RAD21: variants seen among roughly 807,000 people sequenced by gnomAD.
The protein encoded by RAD21 is RAD21 cohesin complex component, also known as double-strand-break repair protein rad21 homolog.
In RAD21, 18 loss-of-function variants were observed where a neutral mutation model predicts 71.5. The observed-to-expected ratio is 0.25, with a 90% CI of 0.17 to 0.37. The LOEUF (loss-of-function observed/expected upper bound fraction) is 0.37. RAD21 is among the 10% of genes least tolerant of loss of function. RAD21 has a pLI of 1.00. For missense variants in RAD21, 493 were observed against 769.1 expected, an observed-to-expected ratio of 0.64 and a Z score of 4.25; for synonymous variants, 248 against 254.0, an observed-to-expected ratio of 0.98 and a Z score of 0.22.
At chr8:116,855,963 C>T (rs1199853730) in intron 8 of RAD21, among the ~76,000 whole-genome samples, 1 of 151,698 alleles carries the variant, frequency 6.6e-6, no homozygotes, top group Non-Finnish European at 1.5e-5. Context: ...AGAAGAAAGA[C>T]TCTATGACAG....
chr8:116,869,022 T>A (rs1812754494), intron 1 of RAD21, among the ~76,000 whole-genome samples: 1 of 151,988 alleles, frequency 6.6e-6, no homozygotes, highest in African/African-American at 2.4e-5. Flanking sequence ...ACAAAACTTT[T>A]AAAAAATGGC....
intron 2 of RAD21, among the ~76,000 whole-genome samples, chr8:116,864,844 T>A (rs144367308): frequency 3.9e-5 from 6 of 152,078 alleles, no homozygotes; most frequent in Non-Finnish European, 8.8e-5. Context: ...TGTGTTAAAG[T>A]GTAAACATAA....
rs912092682 is a variant in RAD21, at chr8:116,874,730, C to T, written c.-152G>A. 2.6e-5 allele frequency: 12 copies of T among 452,956 alleles called. No individual in the cohort carries two copies. The highest frequency in any genetic ancestry group is 5.3e-5 in the Non-Finnish European group (12 of 225,088). 28.1% of individuals were successfully genotyped at this position (452,956 alleles called of 1,614,324 possible). A position where few individuals can be genotyped will look rare whatever the true frequency, so the allele number is the denominator to read the frequency against. ...TGTAGCTTCCGAGCAGCTCCCGCCG[C>T]CGCCACAGCCGGCGCCTCCTTTCCG... On this transcript the variant is annotated 5_prime_UTR_variant, in exon 1 of 14. Transcript: ENST00000297338.
intron 1 of RAD21, among the ~76,000 whole-genome samples, chr8:116,870,640 T>C (rs1806885179): frequency 6.6e-6 from 1 of 152,166 alleles, no homozygotes; most frequent in African/African-American, 2.4e-5. Flanking sequence ...AAATCCAACA[T>C]AGCAGCATGT....
At chr8:116,872,601 T>C (rs1248440979) in intron 1 of RAD21, among the ~76,000 whole-genome samples, 1 of 151,992 alleles carries the variant, frequency 6.6e-6, no homozygotes, top group Non-Finnish European at 1.5e-5. Flanking sequence ...ACACCACCTA[T>C]TCAAAGTAAA....
chr8:116,852,446 A>G (rs929700249), intron 10 of RAD21, 103 bp downstream of exon 10: 22 of 1,230,692 alleles, frequency 1.8e-5, no homozygotes, highest in South Asian at 3.3e-5. Context: ...ACATTTGAGT[A>G]TATCTTTGAT....
intron 1 of RAD21, among the ~76,000 whole-genome samples, chr8:116,869,851 G>A (rs752605500): frequency 2.5e-4 from 38 of 152,154 alleles, no homozygotes; most frequent in Non-Finnish European, 4.6e-4. Flanking sequence ...AAGATACAGA[G>A]TAATTATTTT....
At chr8:116,869,471 G>A (rs1812765532) in intron 1 of RAD21, among the ~76,000 whole-genome samples, 1 of 152,164 alleles carries the variant, frequency 6.6e-6, no homozygotes, top group Admixed American at 6.5e-5. Context: ...CGTAATCCCA[G>A]CTACTCAGGT....
At chr8:116,855,016 A>G (rs185049237) in intron 8 of RAD21, among the ~76,000 whole-genome samples, 1 of 152,300 alleles carries the variant, frequency 6.6e-6, no homozygotes, top group East Asian at 1.9e-4. Flanking sequence ...AATCCTTACA[A>G]CTTACAAGTA....
chr8:116,855,928 A>G (rs2130465629), intron 8 of RAD21, among the ~76,000 whole-genome samples: 1 of 152,184 alleles, frequency 6.6e-6, no homozygotes, highest in East Asian at 1.9e-4. Flanking sequence ...GACATTCTAC[A>G]AAATACTCAA....
chr8:116,852,050 C>T lies in RAD21; in HGVS notation c.1368G>A (p.Met456Ile). 6.2e-7 allele frequency: 1 copy of T among 1,611,928 alleles called. No homozygotes were observed. Among genetic ancestry groups the T allele is most frequent in the South Asian group, 1.1e-5 (1 of 91,016 alleles). Residue 456 changes from methionine (M) to isoleucine (I), a missense_variant, in exon 11 of 14, where the codon ATG becomes ATA. Transcript: ENST00000297338. ...EEPSRLQESV[M>I]EASRTNIDES... ...CATCTATGTTTGTTCTGCTGGCCTC[C>T]ATCACTGACTCCTGGAGGCGGCTTG... is the stretch of plus-strand genomic sequence containing the variant.
chr8:116,865,826 C>T (rs141137146), intron 2 of RAD21, among the ~76,000 whole-genome samples: 1 of 152,168 alleles, frequency 6.6e-6, no homozygotes, highest in African/African-American at 2.4e-5. Flanking sequence ...GCAAAACTTA[C>T]GAAAAGGCAC....
At chr8:116,862,081 G>T in intron 3 of RAD21, 141 bp from the exon 4 acceptor site, 1 of 575,158 alleles carries the variant, frequency 1.7e-6, no homozygotes, top group Non-Finnish European at 3.0e-6. Context: ...TGAAGCACAA[G>T]TACTTCTCTT....
intron 2 of RAD21, among the ~76,000 whole-genome samples, chr8:116,864,634 A>G (rs1812656054): frequency 6.6e-6 from 1 of 152,158 alleles, no homozygotes; most frequent in Non-Finnish European, 1.5e-5. Context: ...ATGTGGTGTT[A>G]TAAAATTTAA....
chr8:116,871,640 T>G (rs1812823837), intron 1 of RAD21, among the ~76,000 whole-genome samples: 2 of 152,232 alleles, frequency 1.3e-5, no homozygotes. Context: ...GAACTTGCAC[T>G]TTCAGTAATC....
intron 2 of RAD21, among the ~76,000 whole-genome samples, chr8:116,864,127 A>T (rs1812645253): frequency 6.6e-6 from 1 of 152,104 alleles, no homozygotes; most frequent in Admixed American, 6.6e-5. Context: ...GGGATACAGT[A>T]TGTGGAAAAG....
At chr8:116,850,108 C>A (rs1812317754) in intron 12 of RAD21, among the ~76,000 whole-genome samples, 1 of 152,112 alleles carries the variant, frequency 6.6e-6, no homozygotes, top group Non-Finnish European at 1.5e-5. Flanking sequence ...TCCTAAAACA[C>A]CTCTTACTTT....
intron 2 of RAD21, 90 bp downstream of exon 2, chr8:116,866,496 C>T (rs1364555697): frequency 8.0e-7 from 1 of 1,246,908 alleles, no homozygotes; most frequent in Non-Finnish European, 1.1e-6. Context: ...CACTCCAATG[C>T]CCCTACCTAA....
In RAD21 at chr8:116,846,531, A is replaced by G; in HGVS notation, c.*969T>C. On this transcript the variant is annotated 3_prime_UTR_variant, in exon 14 of 14. Coordinates refer to ENST00000297338, the MANE Select transcript of RAD21 (RefSeq NM_006265.3). Reference sequence around the variant, plus strand: ...CCAAACCAGGAGTGTGCAGCACTGGAAAAGGAGATCAGTACTAAAACTTAC... The same window carrying G: ...CCAAACCAGGAGTGTGCAGCACTGGGAAAGGAGATCAGTACTAAAACTTAC... 1 of 227,528 alleles carries G rather than the reference A, an allele frequency of 4.4e-6. No homozygotes were observed. Among genetic ancestry groups the G allele is most frequent in the Non-Finnish European group, 8.7e-6 (1 of 114,320 alleles). 14.1% of individuals were successfully genotyped at this position (227,528 alleles called of 1,614,324 possible).
Sources: allele counts gnomAD v4.1 joint callset (sites outside exome capture counted in the v4.1 genomes callset), GRCh38; gene constraint gnomAD v4.1.1; transcripts MANE v1.5; gene names NCBI Gene and HGNC (gene_info 2026-07-23, HGNC 2026-07-21).